The following PM20D2 variants were observed in gnomAD, a reference collection of about 807,000 sequenced individuals.
The protein encoded by PM20D2 is xaa-Arg dipeptidase.
In PM20D2, 33 loss-of-function variants were observed where a neutral mutation model predicts 42.9. The observed-to-expected ratio is 0.77, with a 90% CI of 0.58 to 1.03. PM20D2 has a LOEUF of 1.03. Ranked by LOEUF, PM20D2 falls within the 50% of genes least tolerant of loss-of-function variation. PM20D2 has a pLI of 0.00. For synonymous variants in PM20D2, 250 were observed against 228.2 expected, an observed-to-expected ratio of 1.10 and a Z score of -0.86; for missense variants, 548 against 557.0, an observed-to-expected ratio of 0.98 and a Z score of 0.16.
the PM20D2 span, among the ~76,000 whole-genome samples, chr6:89,099,178 T>C: frequency 2.6e-5 from 4 of 151,958 alleles, no homozygotes; most frequent in Non-Finnish European, 5.9e-5. Context: ...GCTAGACATA[T>C]AGGGATCAGT....
chr6:89,134,084 G>T, the PM20D2 span, among the ~76,000 whole-genome samples: 5 of 151,082 alleles, frequency 3.3e-5, no homozygotes, highest in Non-Finnish European at 7.4e-5. Flanking sequence ...CACCAAGGAG[G>T]GTGCTGTAGA....
chr6:89,110,558 C>T, the PM20D2 span, among the ~76,000 whole-genome samples: 15 of 152,182 alleles, frequency 9.9e-5, no homozygotes, highest in Non-Finnish European at 2.9e-5. Context: ...AGGTACTTTC[C>T]ATTTTTTATC....
At chr6:89,144,105 G>C (rs1189708673), upstream of PM20D2, among the ~76,000 whole-genome samples, 1 of 152,166 alleles carries the variant, frequency 6.6e-6, no homozygotes, top group African/African-American at 2.4e-5. Context: ...CCATGAGCAA[G>C]AAATACAAGG....
At chr6:89,148,899 T>C (rs975851771) in intron 1 of PM20D2, among the ~76,000 whole-genome samples, 2 of 152,240 alleles carry the variant, frequency 1.3e-5, no homozygotes, top group African/African-American at 2.4e-5. Flanking sequence ...AGAATAATTA[T>C]ATACATACAT....
the PM20D2 span, among the ~76,000 whole-genome samples, chr6:89,139,404 G>A: frequency 0.012 from 1,857 of 152,220 alleles, 27 homozygotes; most frequent in Non-Finnish European, 0.015. Flanking sequence ...GAGAGGTAAA[G>A]TCTCATGTTG....
chr6:89,096,029 A>G, the PM20D2 span: 13 of 152,370 alleles, frequency 8.5e-5, no homozygotes, highest in African/African-American at 2.6e-4. Flanking sequence ...CAATTCTATG[A>G]CAAAAGTGAA....
intron 3 of PM20D2, among the ~76,000 whole-genome samples, chr6:89,154,017 T>C (rs960446843): frequency 4.3e-4 from 65 of 152,220 alleles, no homozygotes; most frequent in African/African-American, 1.6e-3. Context: ...TAGGAAATTG[T>C]TATATTTTAA....
At position 89,163,751 on chromosome 6, in the gene PM20D2, C is replaced by T. The variant is rs945492688; in HGVS notation, c.*1488C>T. On this transcript the variant is annotated 3_prime_UTR_variant, in exon 7 of 7. Transcript: ENST00000275072. Reference sequence around the variant, plus strand: ...TAAACTAGAGGTATAGGTGGACCTGCTTGAGGTATCTTTGTTTTTATGGAA... The same window carrying T: ...TAAACTAGAGGTATAGGTGGACCTGTTTGAGGTATCTTTGTTTTTATGGAA... 1 of 152,146 alleles carries T rather than the reference C, an allele frequency of 6.6e-6. No homozygotes were observed. Among genetic ancestry groups the T allele is most frequent in the African/African-American group, 2.4e-5 (1 of 41,426 alleles). The allele number at this position is 152,146 out of a possible 1,614,324, so 9.4% of individuals were successfully genotyped here. A position where few individuals can be genotyped will look rare whatever the true frequency, so the allele number is the denominator to read the frequency against.
upstream of PM20D2, among the ~76,000 whole-genome samples, chr6:89,144,565 A>G (rs1472836877): frequency 6.6e-6 from 1 of 152,238 alleles, no homozygotes; most frequent in Non-Finnish European, 1.5e-5. Flanking sequence ...TCTTGGACAT[A>G]CATCTGTAAA....
intron 2 of PM20D2, among the ~76,000 whole-genome samples, 155 bp from the exon 3 acceptor site, chr6:89,152,888 A>G (rs939632100): frequency 3.9e-5 from 6 of 152,252 alleles, no homozygotes; most frequent in African/African-American, 1.4e-4. Flanking sequence ...ACTAACATAA[A>G]TAAATTGCAG....
intron 4 of PM20D2, 72 bp from the exon 5 acceptor site, chr6:89,158,253 A>G: frequency 7.3e-7 from 1 of 1,365,260 alleles, no homozygotes; most frequent in Non-Finnish European, 1.0e-6. Flanking sequence ...TTAGAGAACA[A>G]TCACTGGTTT....
the PM20D2 span, among the ~76,000 whole-genome samples, chr6:89,115,932 G>A: frequency 7.9e-3 from 1,204 of 152,194 alleles, 14 homozygotes; most frequent in African/African-American, 0.028. Context: ...ACCGCACCCG[G>A]CCACGAATGG....
the PM20D2 span, among the ~76,000 whole-genome samples, chr6:89,106,206 AG>A: frequency 6.6e-6 from 1 of 152,116 alleles, no homozygotes; most frequent in Admixed American, 6.6e-5. Flanking sequence ...CTGTAAGCCC[AG>A]GTTCAAGAGA....
chr6:89,137,111 G>T, the PM20D2 span, among the ~76,000 whole-genome samples: 1 of 151,212 alleles, frequency 6.6e-6, no homozygotes, highest in Non-Finnish European at 1.5e-5. Context: ...AACAATTGCT[G>T]CTTTGGATAT....
the PM20D2 span, among the ~76,000 whole-genome samples, chr6:89,122,277 G>A: frequency 4.6e-5 from 7 of 152,188 alleles, no homozygotes; most frequent in African/African-American, 1.7e-4. Context: ...TACAGGAGAA[G>A]CACAAACCTC....
At chr6:89,128,068 A>G in the PM20D2 span, among the ~76,000 whole-genome samples, 1 of 152,186 alleles carries the variant, frequency 6.6e-6, no homozygotes, top group Non-Finnish European at 1.5e-5. Context: ...ACAGAATAAC[A>G]GCAATTTTTA....
the PM20D2 span, among the ~76,000 whole-genome samples, chr6:89,132,556 TA>T: frequency 6.6e-6 from 1 of 151,254 alleles, no homozygotes; most frequent in Non-Finnish European, 1.5e-5. Flanking sequence ...ATCAAGAAAC[TA>T]AAGACTGGAT....
Position 89,146,186 on chromosome 6 carries a change from C to T in PM20D2, c.42C>T (p.Cys14=). 1 of 1,540,730 alleles carries T rather than the reference C, an allele frequency of 6.5e-7. No homozygotes were observed. Among genetic ancestry groups the T allele is most frequent in the Non-Finnish European group, 8.7e-7 (1 of 1,151,648 alleles). Residue 14 remains cysteine, a synonymous_variant, in exon 1 of 7, where the codon TGC becomes TGT. Transcript: ENST00000275072. Reference sequence around the variant, plus strand: ...AGCGGCCCGTGGAAGGGGGCGCGTGCAATGGCCGCTCCGAGCTGGAGCTAC... The same window carrying T: ...AGCGGCCCGTGGAAGGGGGCGCGTGTAATGGCCGCTCCGAGCTGGAGCTAC... ...GGERPVEGGA[C]NGRSELELLK... is the part of the protein sequence containing the mutation.
the PM20D2 span, among the ~76,000 whole-genome samples, chr6:89,119,818 T>C: frequency 2.0e-5 from 3 of 152,338 alleles, no homozygotes; most frequent in South Asian, 6.2e-4. Flanking sequence ...TTTCTCTGTC[T>C]CTCTCTCTTT....
Sources: allele counts gnomAD v4.1 joint callset (sites outside exome capture counted in the v4.1 genomes callset), GRCh38; gene constraint gnomAD v4.1.1; transcripts MANE v1.5; gene names NCBI Gene and HGNC (gene_info 2026-07-23, HGNC 2026-07-21).